NEO1: variants seen among roughly 807,000 people sequenced by gnomAD.
The protein encoded by NEO1 is neogenin.
Under a neutral mutation model 159.7 loss-of-function variants are expected in NEO1, and 63 were observed. The observed-to-expected ratio is 0.39, with a 90% CI of 0.32 to 0.49. NEO1 has a LOEUF of 0.49. Among genes scored for constraint, NEO1 ranks in the 20% least tolerant of loss-of-function variants. The probability of loss-of-function intolerance (pLI) is 0.85; values close to 1 mark genes in which losing one functional copy is unlikely to be tolerated. For missense variants in NEO1, 1,615 were observed against 1,831.0 expected, an observed-to-expected ratio of 0.88 and a Z score of 2.15; for synonymous variants, 633 against 662.0, an observed-to-expected ratio of 0.96 and a Z score of 0.67.
chr15:73,066,035 C>G (rs370569091), intron 1 of NEO1, among the ~76,000 whole-genome samples: 1 of 139,766 alleles, frequency 7.2e-6, no homozygotes, highest in Non-Finnish European at 1.6e-5. Flanking sequence ...TCTTTCTTTT[C>G]TTTTTTTTTT....
At chr15:73,279,265 G>A (rs938776261) in intron 22 of NEO1, among the ~76,000 whole-genome samples, 4 of 151,810 alleles carry the variant, frequency 2.6e-5, no homozygotes, top group Non-Finnish European at 5.9e-5. Context: ...AATTTTTAAG[G>A]CTGTGAGGAA....
intron 5 of NEO1, among the ~76,000 whole-genome samples, 153 bp from the exon 6 acceptor site, chr15:73,176,250 T>C (rs1201668510): frequency 6.6e-6 from 1 of 152,180 alleles, no homozygotes; most frequent in African/African-American, 2.4e-5. Context: ...TATTTTTTAT[T>C]ATATATTTAT....
At chr15:73,057,900 GCAGT>G (rs769059196) in intron 1 of NEO1, among the ~76,000 whole-genome samples, 2 of 151,850 alleles carry the variant, frequency 1.3e-5, no homozygotes, top group Non-Finnish European at 2.9e-5. Context: ...ATGTTTGTTT[GCAGT>G]CAAACAATAT....
intron 1 of NEO1, among the ~76,000 whole-genome samples, chr15:73,063,369 C>G (rs8023496): frequency 0.022 from 3,332 of 151,958 alleles, 112 homozygotes; most frequent in African/African-American, 0.077. Flanking sequence ...CTGGCTTATT[C>G]ATGGAATGTA....
chr15:73,258,557 T>A (rs969667930), intron 13 of NEO1, among the ~76,000 whole-genome samples: 2 of 152,208 alleles, frequency 1.3e-5, no homozygotes, highest in African/African-American at 2.4e-5. Context: ...CCTCTTAGAT[T>A]GTGTGGGCTT....
At chr15:73,081,099 T>A (rs1428410696) in intron 1 of NEO1, among the ~76,000 whole-genome samples, 1 of 152,150 alleles carries the variant, frequency 6.6e-6, no homozygotes, top group Non-Finnish European at 1.5e-5. Flanking sequence ...AACACAGACA[T>A]GTTCATTTTT....
At chr15:73,266,487 C>G (rs1250052938) in intron 16 of NEO1, 76 bp downstream of exon 16, 1 of 1,053,006 alleles carries the variant, frequency 9.5e-7, no homozygotes, top group African/African-American at 1.6e-5. Flanking sequence ...GAGGCCTATC[C>G]CATAGGTGTT....
In NEO1 at chr15:73,176,556, TAGTA is replaced by T. The variant is rs893304662; in HGVS notation, c.1170+4_1170+7del. 1 of 1,603,658 alleles carries T rather than the reference TAGTA, an allele frequency of 6.2e-7. No homozygotes were observed. Among genetic ancestry groups the T allele is most frequent in the Non-Finnish European group, 8.5e-7 (1 of 1,175,610 alleles). On this transcript the variant is annotated splice_donor_variant and splice_donor_region_variant and coding_sequence_variant and intron_variant, in exon 6 of 29. Transcript: ENST00000261908. LOFTEE classifies it high-confidence loss of function. Reference sequence around the variant, plus strand: ...ATCCCAAGTGATTATTTTAAGATTGTAGTAAGTATTTTTCAAAGAAGTGTGTTTA... The same window carrying T: ...ATCCCAAGTGATTATTTTAAGATTGTAGTATTTTTCAAAGAAGTGTGTTTA...
intron 7 of NEO1, among the ~76,000 whole-genome samples, chr15:73,185,418 G>T (rs1479721988): frequency 6.6e-6 from 1 of 152,096 alleles, no homozygotes; most frequent in Admixed American, 6.6e-5. Context: ...GTTTTGCAAT[G>T]AACCTAAAAC....
At chr15:73,268,897 A>G (rs138256139) in intron 16 of NEO1, among the ~76,000 whole-genome samples, 1 of 152,296 alleles carries the variant, frequency 6.6e-6, no homozygotes, top group East Asian at 1.9e-4. Flanking sequence ...CTGATTTCTA[A>G]AGTTTGTGAA....
chr15:73,083,974 A>C (rs1272961345), intron 1 of NEO1, among the ~76,000 whole-genome samples: 1 of 151,924 alleles, frequency 6.6e-6, no homozygotes, highest in Non-Finnish European at 1.5e-5. Context: ...TTTATTTTTT[A>C]TTTTATTTAT....
rs1289126716 is a variant in NEO1, at chr15:73,304,083, CAA to C, written c.*1388_*1389del. ...TTTCTGAATATTATTTTTCAAGTAA[CAA>C]GGGCAGGGACAGCGGAAACAGCTGC... On this transcript the variant is annotated 3_prime_UTR_variant, in exon 29 of 29. Transcript: ENST00000261908. 1.3e-5 allele frequency: 2 copies of C among 152,294 alleles called. No homozygotes were observed. The highest frequency in any genetic ancestry group is 4.1e-4 in the South Asian group (2 of 4,820). The allele number at this position is 152,294 out of a possible 1,614,324, so 9.4% of individuals were successfully genotyped here.
Position 73,302,618 on chromosome 15 carries a change from T to A in NEO1, c.4308T>A (p.Tyr1436Ter). The change falls in exon 29 of 29, where the codon TAT becomes TAA. Residue 1436 changes from tyrosine (Y) to a stop codon, truncating the protein, a stop_gained. Coordinates refer to ENST00000261908, the MANE Select transcript of NEO1 (RefSeq NM_002499.4). LOFTEE classifies it high-confidence loss of function. The stretch of plus-strand genomic sequence containing the variant: ...CAGTGTTTTCTTTTCCATAGAGCTA[T>A]GAACCAGATGAGCTGACCAAAGAGA... ...TRMLEDSESS[Y>*]EPDELTKEMA... 1 of 1,613,878 alleles carries A rather than the reference T, an allele frequency of 6.2e-7. No individual in the cohort carries two copies. The highest frequency in any genetic ancestry group is 8.5e-7 in the Non-Finnish European group (1 of 1,179,830).
chr15:73,077,504 T>C (rs1365454671), intron 1 of NEO1, among the ~76,000 whole-genome samples: 2 of 152,238 alleles, frequency 1.3e-5, no homozygotes, highest in African/African-American at 4.8e-5. Context: ...AGTTCTGCTG[T>C]ACAGCTCAGT....
intron 8 of NEO1, among the ~76,000 whole-genome samples, chr15:73,241,878 T>C (rs1275511758): frequency 1.3e-5 from 2 of 152,196 alleles, no homozygotes; most frequent in Admixed American, 6.5e-5. Flanking sequence ...TGGGTATTAG[T>C]AACCTTCACT....
chr15:73,211,063 T>A (rs927693074), intron 7 of NEO1, among the ~76,000 whole-genome samples: 28 of 152,374 alleles, frequency 1.8e-4, no homozygotes, highest in African/African-American at 2.6e-4. Context: ...CAGCATTTTT[T>A]AAAATTACAG....
intron 25 of NEO1, among the ~76,000 whole-genome samples, chr15:73,292,800 A>G (rs761019868): frequency 2.6e-5 from 4 of 152,212 alleles, no homozygotes; most frequent in Non-Finnish European, 5.9e-5. Flanking sequence ...TCAGAGTTCA[A>G]TTCCATTTGC....
intron 7 of NEO1, among the ~76,000 whole-genome samples, chr15:73,201,518 G>A (rs1286302761): frequency 6.6e-6 from 1 of 152,052 alleles, no homozygotes; most frequent in Non-Finnish European, 1.5e-5. Flanking sequence ...GCAAGCTTAA[G>A]AATAATGTGC....
At chr15:73,192,509 C>T (rs891521688) in intron 7 of NEO1, among the ~76,000 whole-genome samples, 17 of 151,802 alleles carry the variant, frequency 1.1e-4, no homozygotes, top group Non-Finnish European at 2.4e-4. Flanking sequence ...TTTCATCAAA[C>T]AATCCTATTT....
Sources: allele counts gnomAD v4.1 joint callset (sites outside exome capture counted in the v4.1 genomes callset), GRCh38; gene constraint gnomAD v4.1.1; transcripts MANE v1.5; gene names NCBI Gene and HGNC (gene_info 2026-07-23, HGNC 2026-07-21).